Variants in TRIT1 observed in about 807,000 individuals in gnomAD.
TRIT1 encodes tRNA isopentenyltransferase 1.
In TRIT1, 43 loss-of-function variants were observed where a neutral mutation model predicts 51.2. The ratio of observed to expected loss-of-function variants is 0.84; its 90% CI spans 0.66 to 1.08. TRIT1 has a LOEUF of 1.08. TRIT1 is among the 50% of genes least tolerant of loss of function. TRIT1 has a pLI of 0.00. For missense variants in TRIT1, 528 were observed against 578.4 expected (o/e 0.91, Z 0.89); for synonymous variants, 184 against 203.9 (o/e 0.90, Z 0.83).
At chr1:39,843,985 G>C (rs992990660) in intron 10 of TRIT1, 116 bp downstream of exon 10, 3 of 669,440 alleles carry the variant, frequency 4.5e-6, no homozygotes, top group Non-Finnish European at 7.7e-6. Flanking sequence ...GAGGAATCTA[G>C]CTGTCCCTTT....
chr1:39,881,180 C>T (rs1423290404), intron 1 of TRIT1, among the ~76,000 whole-genome samples: 5 of 145,164 alleles, frequency 3.4e-5, no homozygotes, highest in East Asian at 2.1e-4. Flanking sequence ...GAGCCAAGAT[C>T]GCGCCACTGC....
rs771866082 is a variant in TRIT1, at chr1:39,841,816, T to C, written c.1332A>G (p.Pro444=). 6.2e-7 allele frequency: 1 copy of C among 1,614,144 alleles called. No individual in the cohort carries two copies. The highest frequency in any genetic ancestry group is 2.2e-5 in the East Asian group (1 of 44,886). Residue 444 remains proline, a synonymous_variant, in exon 11 of 11, where the codon CCA becomes CCG. Transcript: ENST00000316891. Reference sequence around the variant, plus strand: ...TCTCTTTAGGTTCTTTGTTATGGTCTGGGGAAACACTCTGACTTTCTATGG... The same window carrying C: ...TCTCTTTAGGTTCTTTGTTATGGTCCGGGGAAACACTCTGACTTTCTATGG... ...VNTIESQSVS[P]DHNKEPKEKG... is the part of the protein sequence containing the mutation.
At chr1:39,846,779 T>C (rs1642248521) in intron 8 of TRIT1, among the ~76,000 whole-genome samples, 1 of 152,176 alleles carries the variant, frequency 6.6e-6, no homozygotes, top group African/African-American at 2.4e-5. Flanking sequence ...TTTGAAGCAA[T>C]CTGAAGCACC....
intron 4 of TRIT1, among the ~76,000 whole-genome samples, chr1:39,851,397 C>T (rs1026242634): frequency 2.0e-5 from 3 of 152,006 alleles, no homozygotes; most frequent in East Asian, 3.8e-4. Flanking sequence ...AGAATAAACA[C>T]CAAGCTCTAG....
At position 39,877,019 on chromosome 1, in the gene TRIT1, CAAAAAAA is replaced by C. The variant is rs529375001; in HGVS notation, c.174+6292_174+6298del. ...CCTTTTCTCCTGGTTAATGGGTCTTCAAAAAAAAAAAAAAAAAAAAAAAAACAGGTCT... is the reference window on the plus strand; with the variant it reads ...CCTTTTCTCCTGGTTAATGGGTCTTCAAAAAAAAAAAAAAAAAACAGGTCT... On this transcript the variant is annotated intron_variant, in intron 1 of 10. Coordinates refer to ENST00000316891, the MANE Select transcript of TRIT1 (RefSeq NM_017646.6). 2.4e-4 allele frequency among the ~76,000 whole-genome samples: 18 copies of C among 74,614 alleles called. No homozygotes were observed. In the East Asian group the frequency reaches 3.3e-3, roughly 14 times the overall value. 48.9% of individuals were successfully genotyped at this position (74,614 alleles called of 152,430 possible).
At chr1:39,847,385 T>C in intron 7 of TRIT1, 88 bp from the exon 8 acceptor site, 1 of 1,484,780 alleles carries the variant, frequency 6.7e-7, no homozygotes, top group Non-Finnish European at 9.4e-7. Context: ...CAGGAAAAAG[T>C]CAGCCACGGC....
chr1:39,870,576 C>T (rs1235135778), intron 1 of TRIT1, among the ~76,000 whole-genome samples: 2 of 129,076 alleles, frequency 1.5e-5, no homozygotes, highest in East Asian at 2.3e-4. Flanking sequence ...TGTAAATTAA[C>T]GACAATGAGA....
intron 1 of TRIT1, among the ~76,000 whole-genome samples, chr1:39,882,887 ATCCAATTT>A (rs1456915310): frequency 5.1e-4 from 77 of 152,346 alleles, no homozygotes; most frequent in African/African-American, 1.7e-3. Context: ...CATAGGTGGT[ATCCAATTT>A]ATCCTGATCT....
At chr1:39,859,037 T>C (rs371013624) in intron 1 of TRIT1, among the ~76,000 whole-genome samples, 2 of 151,906 alleles carry the variant, frequency 1.3e-5, no homozygotes, top group Non-Finnish European at 2.9e-5. Flanking sequence ...CGGATCACGA[T>C]GTCAGGAGTT....
chr1:39,849,607 T>C (rs571999134), intron 5 of TRIT1, among the ~76,000 whole-genome samples: 1 of 152,344 alleles, frequency 6.6e-6, no homozygotes, highest in Admixed American at 6.5e-5. Flanking sequence ...AAAGGCACTG[T>C]CTCTTCAACT....
chr1:39,839,907 T>C lies in TRIT1; in HGVS notation c.*1837A>G, dbSNP rs1057310805. 6.6e-6 allele frequency among the ~76,000 whole-genome samples: 1 copy of C among 152,214 alleles called. No homozygotes were observed. Among genetic ancestry groups the C allele is most frequent in the Non-Finnish European group, 1.5e-5 (1 of 68,036 alleles). On this transcript the variant is annotated 3_prime_UTR_variant, in exon 11 of 11. Transcript: ENST00000316891. ...ACCTTTTTAGGCTTTAAAACATACT[T>C]AGCAACTTGAACGAAGAATATTTCA...
chr1:39,850,219 T>C lies in TRIT1; in HGVS notation c.603A>G (p.Glu201=). 2 of 1,614,188 alleles carry C rather than the reference T, an allele frequency of 1.2e-6. No individual in the cohort carries two copies. Among genetic ancestry groups the C allele is most frequent in the Non-Finnish European group, 1.7e-6 (2 of 1,180,032 alleles). Residue 201 remains glutamate, a synonymous_variant, in exon 5 of 11, where the codon GAA becomes GAG. Transcript: ENST00000316891. ...CTTCCGTATGTTGACGATGGAGAAATTCACTATGAGAGATTCCTGTTTCTT... is the reference window on the plus strand; with the variant it reads ...CTTCCGTATGTTGACGATGGAGAAACTCACTATGAGAGATTCCTGTTTCTT... ...VFEETGISHS[E]FLHRQHTEEG...
chr1:39,842,903 T>C (rs1451801178), intron 10 of TRIT1, among the ~76,000 whole-genome samples: 1 of 152,130 alleles, frequency 6.6e-6, no homozygotes, highest in East Asian at 1.9e-4. Flanking sequence ...TGGCTCTCCA[T>C]GGCAGCAGGA....
chr1:39,878,436 A>C (rs1018982991), intron 1 of TRIT1, among the ~76,000 whole-genome samples: 2 of 152,222 alleles, frequency 1.3e-5, no homozygotes, highest in African/African-American at 4.8e-5. Flanking sequence ...GTTGCCTTGG[A>C]TGACCCTACA....
At chr1:39,852,656 C>A in intron 4 of TRIT1, 75 bp downstream of exon 4, 1 of 1,541,820 alleles carries the variant, frequency 6.5e-7, no homozygotes, top group Non-Finnish European at 8.8e-7. Flanking sequence ...TCTCTCTCAT[C>A]ATCTGGGCAA....
chr1:39,838,558 A>G lies in TRIT1; in HGVS notation c.*3186T>C, dbSNP rs1652460989. On this transcript the variant is annotated 3_prime_UTR_variant, in exon 11 of 11. Transcript: ENST00000316891. ...ATGATCATGTTTCACTGAAGCCTCAATCTCCCAGGCCCAAGCCATCCTCCT... is the reference window on the plus strand; with the variant it reads ...ATGATCATGTTTCACTGAAGCCTCAGTCTCCCAGGCCCAAGCCATCCTCCT... 6.6e-6 allele frequency among the ~76,000 whole-genome samples: 1 copy of G among 152,014 alleles called. No homozygotes were observed. The highest frequency in any genetic ancestry group is 1.5e-5 in the Non-Finnish European group (1 of 68,000).
intron 5 of TRIT1, 83 bp from the exon 6 acceptor site, chr1:39,848,180 C>CA: frequency 1.1e-6 from 1 of 927,306 alleles, no homozygotes; most frequent in Middle Eastern, 2.2e-4. Context: ...CAGGTGGTCA[C>CA]AAAAAAAGAG....
chr1:39,840,332 G>A lies in TRIT1; in HGVS notation c.*1412C>T, dbSNP rs1652506410. 6.6e-6 allele frequency among the ~76,000 whole-genome samples: 1 copy of A among 152,186 alleles called. No homozygotes were observed. Among genetic ancestry groups the A allele is most frequent in the East Asian group, 1.9e-4 (1 of 5,204 alleles). On this transcript the variant is annotated 3_prime_UTR_variant, in exon 11 of 11. Transcript: ENST00000316891. ...TTAAAAAGGTCAATCAAGTTAGATAGTTTTTTTACTCTACCTTCTCCTCTA... is the reference window on the plus strand; with the variant it reads ...TTAAAAAGGTCAATCAAGTTAGATAATTTTTTTACTCTACCTTCTCCTCTA...
chr1:39,880,322 T>C (rs1644219125), intron 1 of TRIT1, among the ~76,000 whole-genome samples: 1 of 141,960 alleles, frequency 7.0e-6, no homozygotes, highest in Non-Finnish European at 1.6e-5. Context: ...TGGTAAACAA[T>C]GCTTTGAAAA....
Sources: allele counts gnomAD v4.1 joint callset (sites outside exome capture counted in the v4.1 genomes callset), GRCh38; gene constraint gnomAD v4.1.1; transcripts MANE v1.5; gene names NCBI Gene and HGNC (gene_info 2026-07-23, HGNC 2026-07-21).